Variants in PTPRD observed in about 807,000 individuals in gnomAD.
PTPRD encodes protein tyrosine phosphatase receptor type D.
Under a neutral mutation model 214.5 loss-of-function variants are expected in PTPRD, and 34 were observed. The observed-to-expected ratio is 0.16, with a 90% CI of 0.12 to 0.21. The LOEUF (loss-of-function observed/expected upper bound fraction) is 0.21. Ranked by LOEUF, PTPRD falls within the 10% of genes least tolerant of loss-of-function variation. The probability of loss-of-function intolerance (pLI) is 1.00; values close to 1 mark genes in which losing one functional copy is unlikely to be tolerated. For synonymous variants in PTPRD, 1,128 were observed against 845.7 expected (o/e 1.33, Z -5.79); for missense variants, 2,545 against 2,398.7 (o/e 1.06, Z -1.27).
intron 9 of PTPRD, among the ~76,000 whole-genome samples, chr9:9,310,078 G>C (rs1321708092): frequency 6.6e-6 from 1 of 152,120 alleles, no homozygotes; most frequent in Non-Finnish European, 1.5e-5. Flanking sequence ...ATTCTGAAAA[G>C]AAACTTTCAC....
rs115630611 is a variant in PTPRD, at chr9:9,133,346, C to T, written c.-143+49958G>A. ...AAATTTATTTTAATAACCTGCTCCCCGGGGACATTTATTTTGCATAACTTG... is the reference window on the plus strand; with the variant it reads ...AAATTTATTTTAATAACCTGCTCCCTGGGGACATTTATTTTGCATAACTTG... On this transcript the variant is annotated intron_variant, in intron 10 of 45. Transcript: ENST00000381196. 6.6e-3 allele frequency among the ~76,000 whole-genome samples: 1,003 copies of T among 152,170 alleles called. 12 individuals are homozygous for T. Among genetic ancestry groups the T allele is most frequent in the African/African-American group, 0.023 (937 of 41,516 alleles).
intron 35 of PTPRD, among the ~76,000 whole-genome samples, chr9:8,410,105 C>T (rs1459655687): frequency 6.6e-6 from 1 of 152,166 alleles, no homozygotes; most frequent in Non-Finnish European, 1.5e-5. Context: ...TCTCTCTCTT[C>T]TCTGTTTGAA....
At position 8,550,556 on chromosome 9, in the gene PTPRD, T is replaced by A. The variant is rs368303257; in HGVS notation, c.353-21777A>T. Among the ~76,000 whole-genome samples, 21 of 152,306 alleles carry A rather than the reference T, an allele frequency of 1.4e-4. No homozygotes were observed. The East Asian group carries it at 2.5e-3, about 18-fold the overall frequency. ...TGTATCTACCATACACACAAACAGATACGTATGTGCTTATGTGCACACACA... is the reference window on the plus strand; with the variant it reads ...TGTATCTACCATACACACAAACAGAAACGTATGTGCTTATGTGCACACACA... On this transcript the variant is annotated intron_variant, in intron 14 of 45. Transcript: ENST00000381196.
Position 9,236,761 on chromosome 9 carries a change from G to T in PTPRD, c.-202-53398C>A, listed in dbSNP as rs575989954. ...GGCATTTTGATTATTTGGGCTTTGT[G>T]TGCAGGCAGCCAACCATAAGGTTGG... On this transcript the variant is annotated intron_variant, in intron 9 of 45. Transcript: ENST00000381196. Among the ~76,000 whole-genome samples the T allele has an allele frequency of 1.1e-4, 16 of 151,854 alleles. No individual in the cohort carries two copies. In the South Asian group the frequency reaches 3.3e-3, roughly 32 times the overall value.
intron 9 of PTPRD, among the ~76,000 whole-genome samples, chr9:9,346,099 C>T (rs925354272): frequency 6.6e-6 from 1 of 152,094 alleles, no homozygotes; most frequent in Non-Finnish European, 1.5e-5. Flanking sequence ...GTCTCTCACA[C>T]CCCAGAGCAT....
intron 39 of PTPRD, among the ~76,000 whole-genome samples, chr9:8,359,603 G>C (rs902546636): frequency 1.3e-5 from 2 of 152,140 alleles, no homozygotes; most frequent in South Asian, 4.1e-4. Flanking sequence ...CAAAGTGCCA[G>C]GATTATAGGC....
intron 3 of PTPRD, among the ~76,000 whole-genome samples, chr9:10,160,697 T>C (rs1463425972): frequency 6.6e-6 from 1 of 151,936 alleles, no homozygotes; most frequent in African/African-American, 2.4e-5. Flanking sequence ...ACCACTTTTA[T>C]TTAACACAGT....
At chr9:8,659,642 G>C (rs1014241408) in intron 12 of PTPRD, among the ~76,000 whole-genome samples, 1 of 152,174 alleles carries the variant, frequency 6.6e-6, no homozygotes, top group African/African-American at 2.4e-5. Context: ...ACCAAGAAGA[G>C]GGTACAGAAG....
chr9:10,288,141 A>G (rs2095419482), intron 3 of PTPRD, among the ~76,000 whole-genome samples: 1 of 110,594 alleles, frequency 9.0e-6, no homozygotes, highest in Admixed American at 1.4e-4. Context: ...CACAGAATCA[A>G]CTGCAGAAAA....
At chr9:9,935,794 A>T (rs951605497) in intron 5 of PTPRD, among the ~76,000 whole-genome samples, 3 of 149,588 alleles carry the variant, frequency 2.0e-5, no homozygotes, top group Non-Finnish European at 4.4e-5. Context: ...AAAAGAACAA[A>T]GCTGGAGGCA....
intron 3 of PTPRD, among the ~76,000 whole-genome samples, chr9:10,304,847 G>C (rs1206996015): frequency 6.6e-6 from 1 of 152,120 alleles, no homozygotes; most frequent in Non-Finnish European, 1.5e-5. Context: ...GTAATTTATA[G>C]ATTCAATGCT....
At chr9:9,113,700 G>C (rs1327405332) in intron 10 of PTPRD, among the ~76,000 whole-genome samples, 1 of 152,104 alleles carries the variant, frequency 6.6e-6, no homozygotes, top group Admixed American at 6.6e-5. Flanking sequence ...GTAACATGTA[G>C]GATGATGCTA....
intron 10 of PTPRD, among the ~76,000 whole-genome samples, chr9:9,036,392 T>C (rs2099621962): frequency 6.6e-6 from 1 of 152,046 alleles, no homozygotes; most frequent in South Asian, 2.1e-4. Flanking sequence ...GTTAAAAATA[T>C]AGGGTCTTAA....
In PTPRD at chr9:9,912,767, T is replaced by C. The variant is rs116426688; in HGVS notation, c.-368+25740A>G. Among the ~76,000 whole-genome samples the C allele has an allele frequency of 7.5e-3, 1,137 of 152,300 alleles. 9 individuals carry two copies. Among genetic ancestry groups the C allele is most frequent in the African/African-American group, 0.026 (1,066 of 41,574 alleles). On this transcript the variant is annotated intron_variant, in intron 5 of 45. Coordinates refer to ENST00000381196, the MANE Select transcript of PTPRD (RefSeq NM_002839.4). Reference sequence around the variant, plus strand: ...GTTGAGAATGATATTCCCTAGACTATCCAGATGTAAAGATTTTTTTTCTTT... The same window carrying C: ...GTTGAGAATGATATTCCCTAGACTACCCAGATGTAAAGATTTTTTTTCTTT...
chr9:8,350,119 G>C (rs1255160504), intron 39 of PTPRD, among the ~76,000 whole-genome samples: 2 of 152,058 alleles, frequency 1.3e-5, no homozygotes, highest in Non-Finnish European at 2.9e-5. Flanking sequence ...CCCACGAGTT[G>C]AAACGGGCTT....
chr9:8,540,779 T>G (rs1012061061), intron 14 of PTPRD, among the ~76,000 whole-genome samples: 2 of 152,188 alleles, frequency 1.3e-5, no homozygotes, highest in Non-Finnish European at 2.9e-5. Flanking sequence ...TACCCTCTAG[T>G]CTTTAATAAT....
At chr9:10,084,999 A>G (rs2098309952) in intron 3 of PTPRD, among the ~76,000 whole-genome samples, 1 of 151,970 alleles carries the variant, frequency 6.6e-6, no homozygotes, top group African/African-American at 2.4e-5. Flanking sequence ...GAAGTAGTCC[A>G]GAGAAATAAA....
At position 9,976,689 on chromosome 9, in the gene PTPRD, C is replaced by CAAAAAAAAAAAAAAAAAAAAAAAAA. The variant is rs869096131; in HGVS notation, c.-471-38080_-471-38079insTTTTTTTTTTTTTTTTTTTTTTTTT. 1.1e-3 allele frequency among the ~76,000 whole-genome samples: 72 copies of CAAAAAAAAAAAAAAAAAAAAAAAAA among 63,238 alleles called. 6 individuals are homozygous for CAAAAAAAAAAAAAAAAAAAAAAAAA. Among genetic ancestry groups the CAAAAAAAAAAAAAAAAAAAAAAAAA allele is most frequent in the East Asian group, 9.9e-3 (12 of 1,210 alleles). The allele number at this position is 63,238 out of a possible 152,430, so 41.5% of individuals were successfully genotyped here. ...GGTGTGAGCCACTACACCCTGCCAC[C>CAAAAAAAAAAAAAAAAAAAAAAAAA]AAAAAAAAAAAAAAAAAAAAAAATT... On this transcript the variant is annotated intron_variant, in intron 4 of 45. Coordinates refer to ENST00000381196, the MANE Select transcript of PTPRD (RefSeq NM_002839.4).
At chr9:8,531,340 A>G (rs1564112520) in intron 14 of PTPRD, among the ~76,000 whole-genome samples, 2 of 152,094 alleles carry the variant, frequency 1.3e-5, no homozygotes, top group Non-Finnish European at 2.9e-5. Flanking sequence ...GGTTTTGCCA[A>G]TATATTTACA....
Sources: gnomAD v4.1 joint callset for allele counts (sites outside exome capture counted in the v4.1 genomes callset) on GRCh38, gnomAD v4.1.1 for gene constraint, MANE v1.5 for transcripts, NCBI Gene and HGNC (gene_info 2026-07-23, HGNC 2026-07-21) for gene names.